The following NAV2 variants were observed in gnomAD, a reference collection of about 807,000 sequenced individuals.
NAV2 encodes helicase, APC down-regulated 1.
NAV2 carries 54 observed loss-of-function variants against 223.2 expected under a neutral mutation model. The ratio of observed to expected loss-of-function variants is 0.24; its 90% CI spans 0.19 to 0.30. The LOEUF (loss-of-function observed/expected upper bound fraction) is 0.30, where lower values mean the gene tolerates loss of function less well. Among genes scored for constraint, NAV2 ranks in the 10% least tolerant of loss-of-function variants. The pLI, the probability that NAV2 is intolerant of heterozygous loss-of-function variation, is 1.00. For missense variants in NAV2, 2,806 were observed against 3,147.5 expected (o/e 0.89, Z 2.60); for synonymous variants, 1,279 against 1,239.3 (o/e 1.03, Z -0.67).
At chr11:19,628,480 C>A (rs2047239742) in intron 1 of NAV2, among the ~76,000 whole-genome samples, 2 of 152,158 alleles carry the variant, frequency 1.3e-5, no homozygotes, top group African/African-American at 2.4e-5. Flanking sequence ...ATCCCCACAC[C>A]CCGTACACAC....
chr11:19,943,714 T>C (rs1401311078), intron 8 of NAV2, among the ~76,000 whole-genome samples: 1 of 152,172 alleles, frequency 6.6e-6, no homozygotes, highest in Non-Finnish European at 1.5e-5. Flanking sequence ...TTGTGCTATG[T>C]TCTAGATGGA....
intron 1 of NAV2, among the ~76,000 whole-genome samples, chr11:19,821,100 A>C (rs2059349349): frequency 6.6e-6 from 1 of 152,106 alleles, no homozygotes; most frequent in Admixed American, 6.5e-5. Context: ...GTCTCTACTA[A>C]AAATATAAAA....
rs538643366 is a variant in NAV2, at chr11:20,041,440, C to T, written c.2908-2541C>T. On this transcript the variant is annotated intron_variant, in intron 12 of 37. Coordinates refer to ENST00000349880, the MANE Select transcript of NAV2 (RefSeq NM_145117.5). ...AAACACTTTAGCTTAGTGCCTGGGA[C>T]GTAGTAAGTACTCAATAAATTGTAG... 1.1e-4 allele frequency among the ~76,000 whole-genome samples: 16 copies of T among 152,194 alleles called. No homozygotes were observed. In the South Asian group the frequency reaches 1.9e-3, roughly 18 times the overall value.
chr11:20,099,799 A>G (rs1592143980), intron 31 of NAV2, among the ~76,000 whole-genome samples: 1 of 152,154 alleles, frequency 6.6e-6, no homozygotes, highest in Non-Finnish European at 1.5e-5. Flanking sequence ...AGCAGTACAT[A>G]TATATACAGA....
chr11:19,732,658 G>A (rs1446772938), intron 1 of NAV2, among the ~76,000 whole-genome samples: 5 of 152,180 alleles, frequency 3.3e-5, no homozygotes, highest in African/African-American at 1.2e-4. Flanking sequence ...CAGCCTTCAA[G>A]GAACTCTGCT....
At chr11:19,586,045 A>T (rs1218640885) in intron 1 of NAV2, among the ~76,000 whole-genome samples, 2 of 152,216 alleles carry the variant, frequency 1.3e-5, no homozygotes, top group Non-Finnish European at 2.9e-5. Flanking sequence ...GTGTTTTCAC[A>T]TAGTCCCATA....
At chr11:19,376,759 G>A (rs1399596279) in intron 1 of NAV2, among the ~76,000 whole-genome samples, 1 of 152,274 alleles carries the variant, frequency 6.6e-6, no homozygotes, top group South Asian at 2.1e-4. Context: ...TGGGGCTCTG[G>A]AAAAACAAAG....
intron 3 of NAV2, among the ~76,000 whole-genome samples, chr11:19,867,735 A>G (rs2062184975): frequency 6.6e-6 from 1 of 152,202 alleles, no homozygotes; most frequent in African/African-American, 2.4e-5. Flanking sequence ...AGTGTATATT[A>G]TGGGTGCAGT....
Position 19,832,571 on chromosome 11 carries a change from G to T in NAV2, c.355G>T (p.Val119Phe), listed in dbSNP as rs768557188. ...TCTCCAGCAAGATGTGACAGATGGCGTCCTCCTGGCCCAGATTATCCAGGT... is the reference window on the plus strand; with the variant it reads ...TCTCCAGCAAGATGTGACAGATGGCTTCCTCCTGGCCCAGATTATCCAGGT... ...RDLQQDVTDGVLLAQIIQVVA... is the reference protein window; with the variant it reads ...RDLQQDVTDGFLLAQIIQVVA... Residue 119 changes from valine to phenylalanine, a missense_variant, in exon 2 of 38, where the codon GTC becomes TTC. Physicochemically the swap from Val to Phe is conservative, Grantham distance 50. Coordinates refer to ENST00000349880, the MANE Select transcript of NAV2 (RefSeq NM_145117.5). The T allele has an allele frequency of 6.2e-7, 1 of 1,614,162 alleles. No homozygotes were observed. Among genetic ancestry groups the T allele is most frequent in the Admixed American group, 1.7e-5 (1 of 60,028 alleles).
intron 4 of NAV2, among the ~76,000 whole-genome samples, chr11:19,873,430 A>G (rs564764213): frequency 6.6e-6 from 1 of 152,232 alleles, no homozygotes; most frequent in East Asian, 1.9e-4. Flanking sequence ...GGAAATCTAG[A>G]CAGAAGATCA....
chr11:19,722,727 T>C (rs10500860), intron 1 of NAV2, among the ~76,000 whole-genome samples: 42,545 of 152,062 alleles, frequency 0.28, 6,099 homozygotes, highest in Middle Eastern at 0.35. Context: ...TAAATAGATA[T>C]TGAACTCGAG....
chr11:19,699,011 A>G (rs1035786916), intron 1 of NAV2, among the ~76,000 whole-genome samples: 1 of 152,168 alleles, frequency 6.6e-6, no homozygotes, highest in Non-Finnish European at 1.5e-5. Context: ...TCCAGATCCT[A>G]CTTCCAGCCA....
chr11:19,492,069 C>T (rs12275581), intron 1 of NAV2, among the ~76,000 whole-genome samples: 1 of 152,020 alleles, frequency 6.6e-6, no homozygotes, highest in Non-Finnish European at 1.5e-5. Flanking sequence ...GCCATCTAAT[C>T]TTGGGCACAG....
At chr11:19,388,488 C>T (rs1350933726) in intron 1 of NAV2, among the ~76,000 whole-genome samples, 2 of 152,180 alleles carry the variant, frequency 1.3e-5, no homozygotes, top group African/African-American at 4.8e-5. Context: ...CCATGTAATA[C>T]ATATTCCATC....
At chr11:19,592,141 A>G (rs942654469) in intron 1 of NAV2, among the ~76,000 whole-genome samples, 10 of 152,116 alleles carry the variant, frequency 6.6e-5, no homozygotes, top group African/African-American at 2.4e-4. Context: ...GATTGATTCA[A>G]TATTGATTTG....
intron 32 of NAV2, 58 bp downstream of exon 32, chr11:20,101,230 C>T: frequency 1.6e-6 from 2 of 1,287,718 alleles, no homozygotes; most frequent in Non-Finnish European, 2.2e-6. Flanking sequence ...CTGATGATAT[C>T]ACCACTAGCC....
At chr11:20,024,285 G>C (rs2054826448) in intron 11 of NAV2, among the ~76,000 whole-genome samples, 1 of 152,160 alleles carries the variant, frequency 6.6e-6, no homozygotes, top group African/African-American at 2.4e-5. Flanking sequence ...GACCTAGCTG[G>C]GAGTTCTGTG....
chr11:19,595,275 C>T (rs535718482), intron 1 of NAV2, among the ~76,000 whole-genome samples: 31 of 152,154 alleles, frequency 2.0e-4, no homozygotes, highest in Non-Finnish European at 3.8e-4. Context: ...GACCAGGGAG[C>T]ATCCTCAGGA....
At chr11:19,901,998 C>T (rs1034447376) in intron 6 of NAV2, among the ~76,000 whole-genome samples, 1 of 152,120 alleles carries the variant, frequency 6.6e-6, no homozygotes, top group Non-Finnish European at 1.5e-5. Flanking sequence ...CTCACCTTGC[C>T]CTAGCTGGAG....
Sources: allele counts gnomAD v4.1 joint callset (sites outside exome capture counted in the v4.1 genomes callset), GRCh38; gene constraint gnomAD v4.1.1; transcripts MANE v1.5; gene names NCBI Gene and HGNC (gene_info 2026-07-23, HGNC 2026-07-21).